The following NFASC variants were observed in gnomAD, a reference collection of about 807,000 sequenced individuals.
The protein encoded by NFASC is neurofascin homolog.
NFASC carries 43 observed loss-of-function variants against 147.5 expected under a neutral mutation model. That is an observed-to-expected ratio of 0.29 (90% CI 0.23 to 0.38). The LOEUF (loss-of-function observed/expected upper bound fraction) is 0.38, where lower values mean the gene tolerates loss of function less well. Ranked by LOEUF, NFASC falls within the 10% of genes least tolerant of loss-of-function variation. The pLI is 1.00. For synonymous variants in NFASC, 622 were observed against 665.5 expected (o/e 0.93, Z 1.01); for missense variants, 1,320 against 1,689.0 (o/e 0.78, Z 3.83).
At chr1:204,834,697 G>A (rs1673184700) in intron 1 of NFASC, among the ~76,000 whole-genome samples, 1 of 152,164 alleles carries the variant, frequency 6.6e-6, no homozygotes, top group South Asian at 2.1e-4. Context: ...GGCTTGGAGA[G>A]CTTCAGAACC....
intron 1 of NFASC, among the ~76,000 whole-genome samples, chr1:204,915,641 T>G (rs193076155): frequency 4.6e-5 from 7 of 152,336 alleles, no homozygotes; most frequent in East Asian, 1.9e-4. Flanking sequence ...AGTAAAATAA[T>G]TTTTTAAATG....
At chr1:205,011,070 A>ATGAC (rs2096245621) in intron 28 of NFASC, 1 of 152,106 alleles carries the variant, frequency 6.6e-6, no homozygotes, top group African/African-American at 2.4e-5. Flanking sequence ...AGGATAATGG[A>ATGAC]TGACCCTGAA....
intron 24 of NFASC, among the ~76,000 whole-genome samples, chr1:204,996,116 T>C (rs1485834868): frequency 6.6e-6 from 1 of 152,102 alleles, no homozygotes; most frequent in Non-Finnish European, 1.5e-5. Flanking sequence ...CATGACCTTC[T>C]ATATCAGGAA....
chr1:204,968,757 C>T lies in NFASC; in HGVS notation c.819-41C>T, dbSNP rs185499674. The T allele has an allele frequency of 7.0e-6, 11 of 1,581,762 alleles. No individual in the cohort carries two copies. The highest frequency in any genetic ancestry group is 4.5e-4 in the Middle Eastern group (2 of 4,454). ...GCTGTATAGAAGAGGAGAAAGGCCA[C>T]GTTTAGTGATAACTTGTTTCCTGCT... On this transcript the variant is annotated intron_variant, in intron 9 of 29. Transcript: ENST00000339876. The surrounding 1 kb of genome is among the most constrained non-coding windows in gnomAD (Gnocchi z 5.4).
Position 205,001,283 on chromosome 1 carries a change from G to A in NFASC, c.3133G>A (p.Asp1045Asn), listed in dbSNP as rs1161399786. ...AACTGACTTTGTGGTTGAGTACATC[G>A]ACAGTAAGCATTGCTGTGCGGGGTG... ...PGTDFVVEYIDSNHTKKTVPV... is the reference protein window; with the variant it reads ...PGTDFVVEYINSNHTKKTVPV... Residue 1045 changes from aspartate (D) to asparagine (N), a missense_variant, in exon 26 of 30, where the codon GAC becomes AAC. Asp to Asn is a conservative substitution (Grantham distance 23). Coordinates refer to ENST00000339876, the MANE Select transcript of NFASC (RefSeq NM_001005388.3). 15 of 1,604,524 alleles carry A rather than the reference G, an allele frequency of 9.3e-6. No individual in the cohort carries two copies. Among genetic ancestry groups the A allele is most frequent in the South Asian group, 2.2e-5 (2 of 90,114 alleles).
At chr1:205,002,329 T>G (rs1479566601) in intron 26 of NFASC, among the ~76,000 whole-genome samples, 1 of 152,162 alleles carries the variant, frequency 6.6e-6, no homozygotes, top group Non-Finnish European at 1.5e-5. Context: ...TTATAATATG[T>G]CTAGTGTGAA....
At chr1:204,877,034 TATTTATATATATATAA>T (rs1558549281) in intron 1 of NFASC, among the ~76,000 whole-genome samples, 4 of 96,696 alleles carry the variant, frequency 4.1e-5, no homozygotes, top group South Asian at 2.7e-4. Context: ...ATATAATATA[TATTTATATATATATAA>T]TATATTTATT....
intron 3 of NFASC, chr1:204,946,737 G>A: frequency 3.9e-6 from 2 of 519,112 alleles, no homozygotes; most frequent in South Asian, 2.8e-5. Context: ...TAAAGTACCT[G>A]GCCTTCCTCT....
At chr1:204,994,728 T>C (rs1031056937) in intron 24 of NFASC, among the ~76,000 whole-genome samples, 2 of 152,204 alleles carry the variant, frequency 1.3e-5, no homozygotes, top group African/African-American at 4.8e-5. Context: ...TGATCTCGGC[T>C]CACTGCAACC....
At chr1:205,002,461 T>C in intron 26 of NFASC, 135 bp from the exon 27 acceptor site, 1 of 599,206 alleles carries the variant, frequency 1.7e-6, no homozygotes, top group Non-Finnish European at 2.7e-6. Context: ...TCCTGGTCTG[T>C]ATGGTGGACT....
intron 3 of NFASC, chr1:204,946,204 C>A: frequency 2.4e-6 from 1 of 420,650 alleles, no homozygotes. Context: ...TAGAGTCACA[C>A]AGCAAATGGT....
chr1:204,904,069 G>T (rs2085243452), intron 1 of NFASC, among the ~76,000 whole-genome samples: 1 of 152,140 alleles, frequency 6.6e-6, no homozygotes, highest in African/African-American at 2.4e-5. Flanking sequence ...CTAGGCTTCA[G>T]ATTTCTTCTT....
intron 1 of NFASC, among the ~76,000 whole-genome samples, chr1:204,902,328 A>T (rs372966578): frequency 3.3e-5 from 5 of 152,344 alleles, no homozygotes; most frequent in East Asian, 3.9e-4. Context: ...AACTTATATA[A>T]TAGAATAAAA....
At chr1:205,006,352 C>T (rs2096111228) in intron 27 of NFASC, among the ~76,000 whole-genome samples, 1 of 152,196 alleles carries the variant, frequency 6.6e-6, no homozygotes, top group African/African-American at 2.4e-5. Context: ...GAAACCAGGA[C>T]CCAGGAAATA....
intron 4 of NFASC, among the ~76,000 whole-genome samples, chr1:204,951,083 G>A (rs74138675): frequency 0.023 from 3,430 of 151,964 alleles, 143 homozygotes; most frequent in African/African-American, 0.078. Context: ...TGTTGTGCTA[G>A]GCATTGTAAG....
chr1:204,950,814 C>T (rs967453096), intron 4 of NFASC, among the ~76,000 whole-genome samples: 2 of 152,112 alleles, frequency 1.3e-5, no homozygotes, highest in African/African-American at 4.8e-5. Flanking sequence ...AGCTCATGTG[C>T]ACCACAGCTG....
intron 1 of NFASC, among the ~76,000 whole-genome samples, chr1:204,837,760 G>A (rs143060323): frequency 7.2e-5 from 11 of 152,214 alleles, no homozygotes; most frequent in South Asian, 2.1e-4. Flanking sequence ...CCAGCCAAGG[G>A]GATCTCGAGA....
chr1:204,837,202 A>C (rs1303830696), intron 1 of NFASC, among the ~76,000 whole-genome samples: 1 of 152,264 alleles, frequency 6.6e-6, no homozygotes, highest in African/African-American at 2.4e-5. Context: ...GATGTCAGAC[A>C]ACAGAGGAAA....
intron 19 of NFASC, 137 bp from the exon 20 acceptor site, chr1:204,980,233 C>T: frequency 1.4e-6 from 1 of 715,172 alleles, no homozygotes; most frequent in South Asian, 1.6e-5. Flanking sequence ...CATTTACATA[C>T]CAGACCAAGC....
Sources: allele counts gnomAD v4.1 joint callset (sites outside exome capture counted in the v4.1 genomes callset), GRCh38; gene constraint gnomAD v4.1.1; non-coding constraint Gnocchi (gnomAD v3.1); transcripts MANE v1.5; gene names NCBI Gene and HGNC (gene_info 2026-07-23, HGNC 2026-07-21).